The following CEP83 variants were observed in gnomAD, a reference collection of about 807,000 sequenced individuals.
The protein encoded by CEP83 is centrosomal protein 83.
CEP83 carries 70 observed loss-of-function variants against 101.9 expected under a neutral mutation model. That is an observed-to-expected ratio of 0.69 (90% confidence interval 0.57 to 0.84). The LOEUF is 0.84. Among genes scored for constraint, CEP83 ranks in the 40% least tolerant of loss-of-function variants. CEP83 has a pLI of 0.00. For missense variants in CEP83, 715 were observed against 787.2 expected, an observed-to-expected ratio of 0.91 and a Z score of 1.10; for synonymous variants, 264 against 267.9, an observed-to-expected ratio of 0.99 and a Z score of 0.14.
At chr12:94,319,115 C>T (rs566405851) in intron 14 of CEP83, among the ~76,000 whole-genome samples, 1 of 152,326 alleles carries the variant, frequency 6.6e-6, no homozygotes, top group South Asian at 2.1e-4. Context: ...AGGAAATCAA[C>T]TTCTTCCTGG....
At chr12:94,424,418 G>T in intron 2 of CEP83, 1 of 1,614,038 alleles carries the variant, frequency 6.2e-7, no homozygotes, top group Middle Eastern at 1.7e-4. Context: ...CTTCTCTGTG[G>T]ACTCCATCCT....
At chr12:94,294,412 C>A in the CEP83 span, 2 of 669,092 alleles carry the variant, frequency 3.0e-6, no homozygotes, top group Non-Finnish European at 5.5e-6. Flanking sequence ...TCCATCCAGC[C>A]ATCTAATTCC....
chr12:94,448,054 C>T (rs1038254521), intron 1 of CEP83, among the ~76,000 whole-genome samples: 2 of 152,160 alleles, frequency 1.3e-5, no homozygotes, highest in East Asian at 3.9e-4. Context: ...TAACTATAGG[C>T]TGTCAACAAG....
chr12:94,366,586 C>T (rs533076956), intron 11 of CEP83, among the ~76,000 whole-genome samples: 1 of 151,992 alleles, frequency 6.6e-6, no homozygotes, highest in African/African-American at 2.4e-5. Flanking sequence ...TGGAACAGAA[C>T]TGGAAATATC....
At chr12:94,428,466 T>C (rs2065374538) in intron 2 of CEP83, among the ~76,000 whole-genome samples, 1 of 152,240 alleles carries the variant, frequency 6.6e-6, no homozygotes, top group Non-Finnish European at 1.5e-5. Flanking sequence ...TGAAAATTGT[T>C]TTTTAAATAA....
intron 6 of CEP83, among the ~76,000 whole-genome samples, chr12:94,389,957 C>T (rs1035989646): frequency 7.9e-5 from 12 of 152,198 alleles, no homozygotes; most frequent in Admixed American, 2.0e-4. Flanking sequence ...GTAAACAAAA[C>T]GGCCAGGAAG....
At chr12:94,363,947 CA>C (rs376859752) in intron 11 of CEP83, among the ~76,000 whole-genome samples, 3,942 of 59,468 alleles carry the variant, frequency 0.066, 46 homozygotes, top group Middle Eastern at 0.15. Flanking sequence ...GACGCTGTCT[CA>C]AAAAAAAAAA....
chr12:94,431,878 T>G (rs1002284175), intron 2 of CEP83, among the ~76,000 whole-genome samples: 54 of 152,250 alleles, frequency 3.5e-4, no homozygotes, highest in African/African-American at 1.3e-3. Context: ...AGCACGAAGA[T>G]TTCTCAAAAA....
At chr12:94,309,840 G>T in intron 16 of CEP83, 78 bp downstream of exon 16, 1 of 962,388 alleles carries the variant, frequency 1.0e-6, no homozygotes, top group Non-Finnish European at 1.5e-6. Context: ...TATAATTTGA[G>T]TTTTATCACC....
At chr12:94,460,048 G>A (rs2068038916), upstream of CEP83, 1 of 152,396 alleles carries the variant, frequency 6.6e-6, no homozygotes, top group Non-Finnish European at 1.5e-5. Flanking sequence ...TTAGAGGGAG[G>A]AGACAAACGA....
chr12:94,303,913 G>A (rs7488943), downstream of CEP83: 6 of 1,608,714 alleles, frequency 3.7e-6, no homozygotes, highest in Non-Finnish European at 5.1e-6. Flanking sequence ...TTAGAAAGCA[G>A]AAATAAGCTT....
intron 2 of CEP83, among the ~76,000 whole-genome samples, chr12:94,419,335 T>C (rs1236849146): frequency 6.6e-6 from 1 of 152,052 alleles, no homozygotes; most frequent in African/African-American, 2.4e-5. Context: ...ATAGGAAAAC[T>C]GTGGCTAGCT....
intron 1 of CEP83, among the ~76,000 whole-genome samples, chr12:94,450,131 A>G (rs1309015385): frequency 1.3e-5 from 2 of 152,240 alleles, no homozygotes; most frequent in African/African-American, 4.8e-5. Flanking sequence ...TCTCTTCAAC[A>G]TCTTACTGGA....
At chr12:94,309,117 A>C (rs1969434085) in intron 16 of CEP83, among the ~76,000 whole-genome samples, 200 bp from the exon 17 acceptor site, 2 of 152,186 alleles carry the variant, frequency 1.3e-5, no homozygotes, top group South Asian at 4.1e-4. Context: ...AGCCTTAAGC[A>C]AAACCCGTAG....
At chr12:94,320,962 A>G (rs2058720829) in intron 14 of CEP83, among the ~76,000 whole-genome samples, 1 of 152,160 alleles carries the variant, frequency 6.6e-6, no homozygotes, top group African/African-American at 2.4e-5. Flanking sequence ...ATCCTGAAAT[A>G]TGTTTCCTAA....
chr12:94,380,442 C>T (rs1028817077), intron 6 of CEP83, among the ~76,000 whole-genome samples: 3 of 152,124 alleles, frequency 2.0e-5, no homozygotes, highest in African/African-American at 7.2e-5. Flanking sequence ...CCTCAAAAGC[C>T]CAACTAATTA....
At chr12:94,306,986 A>G (rs1757513828), downstream of CEP83, 2 of 152,250 alleles carry the variant, frequency 1.3e-5, no homozygotes, top group Admixed American at 1.3e-4. Context: ...GAAGGAGTTC[A>G]TAAGAGAACA....
the CEP83 span, chr12:94,300,989 G>A: frequency 1.2e-5 from 19 of 1,613,726 alleles, 1 homozygote; most frequent in South Asian, 9.9e-5. Context: ...ACATATAGAC[G>A]GCTGTTTGTC....
intron 14 of CEP83, among the ~76,000 whole-genome samples, chr12:94,331,349 CT>C (rs2059205520): frequency 8.3e-6 from 1 of 121,186 alleles, no homozygotes; most frequent in African/African-American, 3.0e-5. Flanking sequence ...TAGAAATCAC[CT>C]TTTTTCCTTT....
Sources: gnomAD v4.1 joint callset for allele counts (sites outside exome capture counted in the v4.1 genomes callset) on GRCh38, gnomAD v4.1.1 for gene constraint, MANE v1.5 for transcripts, NCBI Gene and HGNC (gene_info 2026-07-23, HGNC 2026-07-21) for gene names.